The following PRUNE1 variants were observed in gnomAD, a reference collection of about 807,000 sequenced individuals.
The protein encoded by PRUNE1 is prune exopolyphosphatase 1.
PRUNE1 carries 25 observed loss-of-function variants against 42.5 expected under a neutral mutation model. The ratio of observed to expected loss-of-function variants is 0.59; its 90% CI spans 0.43 to 0.82. PRUNE1 has a LOEUF of 0.82. Among genes scored for constraint, PRUNE1 ranks in the 40% least tolerant of loss-of-function variants. The probability of loss-of-function intolerance (pLI) is 0.00; values close to 1 mark genes in which losing one functional copy is unlikely to be tolerated. For synonymous variants in PRUNE1, 203 were observed against 217.1 expected, an observed-to-expected ratio of 0.93 and a Z score of 0.57; for missense variants, 443 against 539.3, an observed-to-expected ratio of 0.82 and a Z score of 1.77.
intron 7 of PRUNE1, among the ~76,000 whole-genome samples, chr1:151,029,638 A>AT (rs1275922126): frequency 6.6e-6 from 1 of 151,312 alleles, no homozygotes; most frequent in Non-Finnish European, 1.5e-5. Context: ...AAGTGCTGGG[A>AT]TTACAGGCGT....
intron 3 of PRUNE1, among the ~76,000 whole-genome samples, chr1:151,021,045 G>T (rs1344476468): frequency 6.6e-6 from 1 of 151,688 alleles, no homozygotes; most frequent in Non-Finnish European, 1.5e-5. Context: ...TACTTGGGAG[G>T]CTGAGGCAGG....
intron 5 of PRUNE1, 151 bp from the exon 6 acceptor site, chr1:151,027,082 G>A (rs749638208): frequency 2.2e-5 from 11 of 500,808 alleles, no homozygotes; most frequent in South Asian, 9.1e-5. Context: ...CACCGCGCCC[G>A]GCTATGATTA....
intron 1 of PRUNE1, among the ~76,000 whole-genome samples, chr1:151,009,365 G>A (rs587742196): frequency 6.6e-6 from 1 of 152,334 alleles, no homozygotes; most frequent in African/African-American, 2.4e-5. Context: ...GAAGGGATAA[G>A]CACAAAGTGT....
intron 7 of PRUNE1, among the ~76,000 whole-genome samples, chr1:151,030,222 C>T (rs1442996326): frequency 1.3e-5 from 2 of 149,170 alleles, no homozygotes; most frequent in African/African-American, 5.0e-5. Context: ...GAGATTGCGC[C>T]ACTGTACTCC....
Position 151,034,093 on chromosome 1 carries a change from G to A in PRUNE1, c.1221G>A (p.Leu407=). 6.2e-7 allele frequency: 1 copy of A among 1,614,160 alleles called. No homozygotes were observed. Among genetic ancestry groups the A allele is most frequent in the Non-Finnish European group, 8.5e-7 (1 of 1,180,026 alleles). Reference sequence around the variant, plus strand: ...GTCAAGATGAGGAGGACCCTCCGCTGCCCCCGACGCCCATGAACAGCTTGG... The same window carrying A: ...GTCAAGATGAGGAGGACCCTCCGCTACCCCCGACGCCCATGAACAGCTTGG... ...GLSQDEEDPP[L]PPTPMNSLVD... The change falls in exon 8 of 8, where the codon CTG becomes CTA. Residue 407 remains leucine (L), a synonymous_variant. Coordinates refer to ENST00000271620, the MANE Select transcript of PRUNE1 (RefSeq NM_021222.3).
chr1:151,017,108 A>AAAAG (rs1553252612), intron 1 of PRUNE1, among the ~76,000 whole-genome samples: 5 of 151,572 alleles, frequency 3.3e-5, no homozygotes, highest in African/African-American at 9.7e-5. Flanking sequence ...AAAAAAAAAA[A>AAAAG]AAGTATAAGC....
chr1:151,009,050 C>T (rs1450024438), intron 1 of PRUNE1, among the ~76,000 whole-genome samples: 1 of 152,096 alleles, frequency 6.6e-6, no homozygotes, highest in Non-Finnish European at 1.5e-5. Flanking sequence ...CTTTTCTCCC[C>T]GCCCCTCTTT....
chr1:151,022,743 T>TC (rs1226647197), intron 3 of PRUNE1: 2 of 136,922 alleles, frequency 1.5e-5, no homozygotes. Flanking sequence ...ATATATATAT[T>TC]TTTTTTTTAT....
intron 4 of PRUNE1, 116 bp downstream of exon 4, chr1:151,024,911 C>G: frequency 9.2e-7 from 1 of 1,086,158 alleles, no homozygotes; most frequent in Non-Finnish European, 1.3e-6. Flanking sequence ...CCATTCAGCT[C>G]ATACCAAAAG....
At chr1:151,030,094 T>C (rs1376022915) in intron 7 of PRUNE1, among the ~76,000 whole-genome samples, 2 of 151,934 alleles carry the variant, frequency 1.3e-5, no homozygotes, top group Non-Finnish European at 2.9e-5. Flanking sequence ...AAACCCCATC[T>C]CTTTTAAAAA....
At chr1:151,031,207 T>C (rs1329911893) in intron 7 of PRUNE1, among the ~76,000 whole-genome samples, 2 of 150,534 alleles carry the variant, frequency 1.3e-5, no homozygotes, top group Non-Finnish European at 3.0e-5. Flanking sequence ...TTTTTTTTTT[T>C]TGAGATGTCT....
At chr1:151,015,698 G>A (rs1424805558) in intron 1 of PRUNE1, among the ~76,000 whole-genome samples, 1 of 151,886 alleles carries the variant, frequency 6.6e-6, no homozygotes, top group East Asian at 1.9e-4. Flanking sequence ...CAGCTACTCA[G>A]GAGGCTGAGA....
chr1:151,010,276 G>A (rs1225827273), intron 1 of PRUNE1, among the ~76,000 whole-genome samples: 10 of 151,982 alleles, frequency 6.6e-5, no homozygotes. Flanking sequence ...TAGAGACAGG[G>A]TCTCGCCATG....
chr1:151,025,366 T>A (rs3738479), intron 4 of PRUNE1, 149 bp from the exon 5 acceptor site: 184,878 of 723,754 alleles, frequency 0.26, 25,910 homozygotes, highest in East Asian at 0.42. Flanking sequence ...CTGAGGACAC[T>A]GTCCATCCCA....
intron 3 of PRUNE1, among the ~76,000 whole-genome samples, chr1:151,022,532 C>A (rs1485643100): frequency 6.6e-6 from 1 of 151,838 alleles, no homozygotes; most frequent in Non-Finnish European, 1.5e-5. Flanking sequence ...CATTCTCCTG[C>A]CTCAGCCTCC....
Position 151,024,561 on chromosome 1 carries a change from G to A in PRUNE1, c.336-50G>A, listed in dbSNP as rs878896427. On this transcript the variant is annotated intron_variant, in intron 3 of 7. Coordinates refer to ENST00000271620, the MANE Select transcript of PRUNE1 (RefSeq NM_021222.3). ...TAGAGGTTGGCTAGAAGCAGCTGGA[G>A]TGTCCGTACCTATCTTTCTTCCTCT... 6.6e-6 allele frequency: 10 copies of A among 1,517,296 alleles called. No individual in the cohort carries two copies. The South Asian group carries it at 1.0e-4, about 15-fold the overall frequency. 94.0% of individuals were successfully genotyped at this position (1,517,296 alleles called of 1,614,324 possible). A position where few individuals can be genotyped will look rare whatever the true frequency, so the allele number is the denominator to read the frequency against.
intron 7 of PRUNE1, among the ~76,000 whole-genome samples, 195 bp from the exon 8 acceptor site, chr1:151,033,611 C>G (rs1357923251): frequency 6.7e-6 from 1 of 150,086 alleles, no homozygotes; most frequent in Non-Finnish European, 1.5e-5. Flanking sequence ...AGGATGGTCT[C>G]AATCTCCTGA....
At chr1:151,014,990 G>A (rs1403232441) in intron 1 of PRUNE1, among the ~76,000 whole-genome samples, 2 of 151,998 alleles carry the variant, frequency 1.3e-5, no homozygotes, top group Admixed American at 1.3e-4. Context: ...CCAGGAGTTC[G>A]AGATCAGCAT....
At chr1:151,023,762 G>A (rs1007040377) in intron 3 of PRUNE1, among the ~76,000 whole-genome samples, 1 of 151,762 alleles carries the variant, frequency 6.6e-6, no homozygotes, top group African/African-American at 2.4e-5. Flanking sequence ...GGGTATCAAG[G>A]GTGTCAAGGG....
Sources: allele counts gnomAD v4.1 joint callset (sites outside exome capture counted in the v4.1 genomes callset), GRCh38; gene constraint gnomAD v4.1.1; transcripts MANE v1.5; gene names NCBI Gene and HGNC (gene_info 2026-07-23, HGNC 2026-07-21).